Variants in MTDH observed in about 807,000 individuals in gnomAD.
The protein encoded by MTDH is metadherin.
Under a neutral mutation model 72.7 loss-of-function variants are expected in MTDH, and 34 were observed. The ratio of observed to expected loss-of-function variants is 0.47; its 90% CI spans 0.36 to 0.62. MTDH has a LOEUF of 0.62. Among genes scored for constraint, MTDH ranks in the 20% least tolerant of loss-of-function variants. The pLI, the probability that MTDH is intolerant of heterozygous loss-of-function variation, is 0.00. For missense variants in MTDH, 677 were observed against 699.4 expected, an observed-to-expected ratio of 0.97 and a Z score of 0.36; for synonymous variants, 266 against 268.9, an observed-to-expected ratio of 0.99 and a Z score of 0.10.
In MTDH at chr8:97,726,933, G is replaced by A. The variant is rs769150856; in HGVS notation, c.*2263G>A. The A allele has an allele frequency of 1.3e-5, 2 of 151,502 alleles. No individual in the cohort carries two copies. Among genetic ancestry groups the A allele is most frequent in the Non-Finnish European group, 2.9e-5 (2 of 67,970 alleles). 9.4% of individuals were successfully genotyped at this position (151,502 alleles called of 1,614,324 possible). A position where few individuals can be genotyped will look rare whatever the true frequency, so the allele number is the denominator to read the frequency against. On this transcript the variant is annotated 3_prime_UTR_variant, in exon 12 of 12. Coordinates refer to ENST00000336273, the MANE Select transcript of MTDH (RefSeq NM_178812.4). Reference sequence around the variant, plus strand: ...ACTAAAAATACAAAAAAAAAAATTAGCTGGGTGTGGTGGTGGGCTCCTGTA... The same window carrying A: ...ACTAAAAATACAAAAAAAAAAATTAACTGGGTGTGGTGGTGGGCTCCTGTA...
At chr8:97,663,183 T>A (rs1470964962) in intron 2 of MTDH, among the ~76,000 whole-genome samples, 1 of 152,110 alleles carries the variant, frequency 6.6e-6, no homozygotes, top group South Asian at 2.1e-4. Flanking sequence ...CCCTGAAAAA[T>A]TTGTAGTTGC....
chr8:97,718,708 G>GT (rs111408831), intron 9 of MTDH, among the ~76,000 whole-genome samples: 7,240 of 142,700 alleles, frequency 0.051, 372 homozygotes, highest in African/African-American at 0.13. Flanking sequence ...GTAGTTTTGG[G>GT]TTTTTTTTTT....
intron 8 of MTDH, among the ~76,000 whole-genome samples, chr8:97,710,220 C>T (rs1043601322): frequency 2.6e-5 from 4 of 152,052 alleles, no homozygotes; most frequent in South Asian, 4.1e-4. Flanking sequence ...TCTGGTAGTT[C>T]GTGAGACCAC....
At position 97,644,186 on chromosome 8, in the gene MTDH, G is replaced by A. The variant is rs565176281; in HGVS notation, c.-321G>A. ...GCGCGCGGCGTGGATCGCGGCCCAAGCCGCCATTGTTCCGCCGAGGGAGGA... is the reference window on the plus strand; with the variant it reads ...GCGCGCGGCGTGGATCGCGGCCCAAACCGCCATTGTTCCGCCGAGGGAGGA... On this transcript the variant is annotated 5_prime_UTR_variant, in exon 1 of 12. Transcript: ENST00000336273. 1 of 265,816 alleles carries A rather than the reference G, an allele frequency of 3.8e-6. No homozygotes were observed. Among genetic ancestry groups the A allele is most frequent in the East Asian group, 9.4e-5 (1 of 10,586 alleles). 16.5% of individuals were successfully genotyped at this position (265,816 alleles called of 1,614,324 possible).
At chr8:97,650,556 T>G (rs1291138812) in intron 1 of MTDH, among the ~76,000 whole-genome samples, 1 of 152,186 alleles carries the variant, frequency 6.6e-6, no homozygotes, top group Non-Finnish European at 1.5e-5. Flanking sequence ...ATTACAAGCG[T>G]TAGTCACTGT....
At chr8:97,722,344 G>A (rs1305059524) in intron 10 of MTDH, among the ~76,000 whole-genome samples, 2 of 152,202 alleles carry the variant, frequency 1.3e-5, no homozygotes, top group Non-Finnish European at 2.9e-5. Context: ...GCTCATGCCT[G>A]TAATCCCAGC....
intron 1 of MTDH, among the ~76,000 whole-genome samples, chr8:97,653,996 T>A (rs1413314176): frequency 6.6e-6 from 1 of 152,232 alleles, no homozygotes; most frequent in Non-Finnish European, 1.5e-5. Flanking sequence ...AAATCATCTT[T>A]GGCATATCTT....
intron 2 of MTDH, among the ~76,000 whole-genome samples, chr8:97,684,089 A>G (rs191369549): frequency 9.5e-5 from 14 of 146,906 alleles, no homozygotes; most frequent in Admixed American, 3.4e-4. Context: ...GTGAACTGAG[A>G]TCGCGCCATT....
chr8:97,692,165 C>T (rs1398803855), intron 6 of MTDH, among the ~76,000 whole-genome samples: 1 of 152,026 alleles, frequency 6.6e-6, no homozygotes, highest in African/African-American at 2.4e-5. Flanking sequence ...TACAGGCGTG[C>T]GCCATCGCAC....
intron 6 of MTDH, 67 bp downstream of exon 6, chr8:97,691,255 G>A: frequency 4.3e-6 from 5 of 1,162,638 alleles, no homozygotes; most frequent in Non-Finnish European, 4.8e-6. Context: ...TAATTTTTCA[G>A]AAATAGAAAA....
chr8:97,671,690 A>G (rs1389961488), intron 2 of MTDH, among the ~76,000 whole-genome samples: 3 of 152,018 alleles, frequency 2.0e-5, no homozygotes, highest in Non-Finnish European at 2.9e-5. Flanking sequence ...TAAAAATACA[A>G]AAATTAGCTT....
chr8:97,668,957 A>G (rs1227984827), intron 2 of MTDH, among the ~76,000 whole-genome samples: 2 of 151,158 alleles, frequency 1.3e-5, no homozygotes, highest in African/African-American at 4.9e-5. Context: ...CTTAGAAAAC[A>G]CTCCCCAATC....
rs577810215 is a variant in MTDH, at chr8:97,693,012, G to GT, written c.1048+1825dup. ...CTCCCAAAGTGCTGGGATTACAGGT[G>GT]TGAGCCACCACACCTGGCCATGTTT... On this transcript the variant is annotated intron_variant, in intron 6 of 11. Transcript: ENST00000336273. 2.3e-3 allele frequency among the ~76,000 whole-genome samples: 347 copies of GT among 152,262 alleles called. 1 individual carries two copies. The highest frequency in any genetic ancestry group is 8.2e-3 in the African/African-American group (339 of 41,534).
chr8:97,723,291 G>A (rs558030985), intron 11 of MTDH, among the ~76,000 whole-genome samples: 4 of 151,410 alleles, frequency 2.6e-5, no homozygotes, highest in Admixed American at 6.6e-5. Flanking sequence ...CCAGCTACTC[G>A]GGAGGCTGAG....
At chr8:97,662,561 G>A (rs773715370) in intron 2 of MTDH, among the ~76,000 whole-genome samples, 3 of 151,544 alleles carry the variant, frequency 2.0e-5, no homozygotes, top group African/African-American at 7.3e-5. Flanking sequence ...CAAGGCAGGT[G>A]GATCGCCTGA....
chr8:97,699,837 G>T lies in MTDH; in HGVS notation c.1132G>T (p.Glu378Ter). ...VSRNQPYIDD[E>*]WSGLNGLSSA... is the part of the protein sequence containing the mutation. Reference sequence around the variant, plus strand: ...CCGTAATCAACCCTATATCGATGATGAATGGTCTGGGTTAAGTATGTCCTT... The same window carrying T: ...CCGTAATCAACCCTATATCGATGATTAATGGTCTGGGTTAAGTATGTCCTT... Residue 378 changes from glutamate to a stop codon, truncating the protein, a stop_gained, in exon 7 of 12, where the codon GAA becomes TAA. Coordinates refer to ENST00000336273, the MANE Select transcript of MTDH (RefSeq NM_178812.4). LOFTEE classifies it high-confidence loss of function. The T allele has an allele frequency of 6.2e-7, 1 of 1,610,146 alleles. No individual in the cohort carries two copies. Among genetic ancestry groups the T allele is most frequent in the South Asian group, 1.1e-5 (1 of 90,890 alleles).
At chr8:97,679,788 C>T (rs535587159) in intron 2 of MTDH, among the ~76,000 whole-genome samples, 2 of 152,132 alleles carry the variant, frequency 1.3e-5, no homozygotes, top group African/African-American at 4.8e-5. Context: ...CTTATTTAAC[C>T]CGCTGTTACA....
chr8:97,685,351 A>AT (rs1308455193), intron 2 of MTDH, among the ~76,000 whole-genome samples: 4 of 152,120 alleles, frequency 2.6e-5, no homozygotes, highest in African/African-American at 9.7e-5. Context: ...AAAAAAATTT[A>AT]TTTTTTTAAT....
At chr8:97,716,990 T>C (rs1288645027) in intron 9 of MTDH, among the ~76,000 whole-genome samples, 3 of 152,176 alleles carry the variant, frequency 2.0e-5, no homozygotes, top group Admixed American at 2.0e-4. Flanking sequence ...CAAAGTCCTT[T>C]TTGGTGTTCG....
Sources: allele counts gnomAD v4.1 joint callset (sites outside exome capture counted in the v4.1 genomes callset), GRCh38; gene constraint gnomAD v4.1.1; transcripts MANE v1.5; gene names NCBI Gene and HGNC (gene_info 2026-07-23, HGNC 2026-07-21).